Variants in LRBA observed in about 807,000 individuals in gnomAD.
LRBA encodes the protein LPS responsive beige-like anchor protein, also known as lipopolysaccharide-responsive and beige-like anchor protein.
A neutral mutation model predicts 330.0 loss-of-function variants in LRBA; 176 were observed. That is an observed-to-expected ratio of 0.53 (90% CI 0.47 to 0.60). The LOEUF (loss-of-function observed/expected upper bound fraction) is 0.60. Among genes scored for constraint, LRBA ranks in the 20% least tolerant of loss-of-function variants. LRBA has a pLI of 0.00. For synonymous variants in LRBA, 1,230 were observed against 1,193.0 expected, an observed-to-expected ratio of 1.03 and a Z score of -0.64; for missense variants, 3,259 against 3,444.8, an observed-to-expected ratio of 0.95 and a Z score of 1.35.
intron 36 of LRBA, among the ~76,000 whole-genome samples, chr4:150,718,348 T>C (rs17504952): frequency 0.019 from 2,960 of 152,278 alleles, 41 homozygotes; most frequent in Middle Eastern, 0.068. Context: ...GATGACAACA[T>C]CTTTTTTTGC....
At chr4:150,776,954 T>C (rs1737425021) in intron 34 of LRBA, among the ~76,000 whole-genome samples, 1 of 152,274 alleles carries the variant, frequency 6.6e-6, no homozygotes, top group Middle Eastern at 3.4e-3. Context: ...CTCTAAAAAA[T>C]AGAACATGCA....
chr4:150,411,859 T>C (rs987598401), intron 47 of LRBA, among the ~76,000 whole-genome samples: 1 of 152,146 alleles, frequency 6.6e-6, no homozygotes, highest in African/African-American at 2.4e-5. Context: ...AATCATTGCA[T>C]AAAATCTGTG....
intron 38 of LRBA, among the ~76,000 whole-genome samples, chr4:150,591,204 A>G (rs1772786996): frequency 6.6e-6 from 1 of 152,218 alleles, no homozygotes; most frequent in African/African-American, 2.4e-5. Context: ...CCAGTTTTGG[A>G]AACAATATTT....
chr4:150,797,392 C>G (rs1740945539), intron 34 of LRBA, among the ~76,000 whole-genome samples: 1 of 151,346 alleles, frequency 6.6e-6, no homozygotes, highest in South Asian at 2.1e-4. Context: ...TTACTACCAC[C>G]AAGATATCAC....
chr4:150,388,919 G>A (rs1009715371), intron 47 of LRBA, among the ~76,000 whole-genome samples: 4 of 152,102 alleles, frequency 2.6e-5, no homozygotes, highest in Middle Eastern at 3.2e-3. Flanking sequence ...TGGCTAGTGG[G>A]TACAATAATG....
intron 51 of LRBA, among the ~76,000 whole-genome samples, chr4:150,311,999 A>T (rs936352796): frequency 4.6e-5 from 7 of 152,114 alleles, no homozygotes; most frequent in South Asian, 2.1e-4. Flanking sequence ...TCCACATGAG[A>T]GCTGTAAACA....
chr4:150,481,308 A>G (rs1327989775), intron 42 of LRBA, among the ~76,000 whole-genome samples: 1 of 152,090 alleles, frequency 6.6e-6, no homozygotes, highest in Admixed American at 6.6e-5. Context: ...TGGTGGGTGC[A>G]GATGTCTCTT....
intron 2 of LRBA, among the ~76,000 whole-genome samples, chr4:150,974,531 T>C (rs1340766426): frequency 6.6e-6 from 1 of 152,158 alleles, no homozygotes; most frequent in Non-Finnish European, 1.5e-5. Context: ...TGGACTAAGC[T>C]TTAGTTGTAC....
At chr4:150,352,479 AT>A (rs1737310061) in intron 47 of LRBA, among the ~76,000 whole-genome samples, 1 of 152,226 alleles carries the variant, frequency 6.6e-6, no homozygotes, top group African/African-American at 2.4e-5. Flanking sequence ...TAAATGAAAT[AT>A]GCCTTAAAAA....
At chr4:150,537,347 AG>A (rs1307589858) in intron 40 of LRBA, among the ~76,000 whole-genome samples, 1 of 152,240 alleles carries the variant, frequency 6.6e-6, no homozygotes, top group African/African-American at 2.4e-5. Flanking sequence ...AAAGATTTCA[AG>A]GTAAGACCTC....
intron 40 of LRBA, among the ~76,000 whole-genome samples, chr4:150,563,743 G>C (rs1028999124): frequency 1.3e-5 from 2 of 152,070 alleles, no homozygotes; most frequent in Non-Finnish European, 1.5e-5. Context: ...ACCAATAACA[G>C]ACAAACAGAG....
At chr4:150,506,708 G>C (rs1718719457) in intron 40 of LRBA, among the ~76,000 whole-genome samples, 1 of 152,194 alleles carries the variant, frequency 6.6e-6, no homozygotes, top group African/African-American at 2.4e-5. Context: ...ATTCAACATA[G>C]TGTTGGAAGT....
At position 150,445,428 on chromosome 4, in the gene LRBA, CAT is replaced by C. The variant is rs574426955; in HGVS notation, c.6781-8566_6781-8565del. ...ATATATATACATATATACACACACA[CAT>C]ATATATATGTTGTTTTGCTCAACGC... On this transcript the variant is annotated intron_variant, in intron 44 of 56. Transcript: ENST00000651943. Among the ~76,000 whole-genome samples, 3 of 136,990 alleles carry C rather than the reference CAT, an allele frequency of 2.2e-5. No individual in the cohort carries two copies. In the South Asian group the frequency reaches 7.3e-4, roughly 33 times the overall value. The allele number at this position is 136,990 out of a possible 152,430, so 89.9% of individuals were successfully genotyped here. A position where few individuals can be genotyped will look rare whatever the true frequency, so the allele number is the denominator to read the frequency against.
At chr4:150,721,355 G>A in intron 36 of LRBA, 1 of 289,918 alleles carries the variant, frequency 3.4e-6, no homozygotes, top group Non-Finnish European at 6.6e-6. Flanking sequence ...AATCAATTGG[G>A]TGGAGAGAAG....
chr4:150,881,330 C>T (rs947420366), intron 17 of LRBA, among the ~76,000 whole-genome samples: 1 of 152,188 alleles, frequency 6.6e-6, no homozygotes, highest in African/African-American at 2.4e-5. Context: ...GAATACTACA[C>T]AGCCATAAAA....
At chr4:150,689,564 T>A (rs1382061963) in intron 36 of LRBA, among the ~76,000 whole-genome samples, 4 of 152,080 alleles carry the variant, frequency 2.6e-5, no homozygotes, top group Non-Finnish European at 5.9e-5. Context: ...TGAACTCAAC[T>A]ACTTTACCAT....
rs112842947 is a variant in LRBA, at chr4:150,730,678, G to GA, written c.5754+4579dup. ...AGCCTGCGTGACAGAGTGAGGCTCT[G>GA]AAAAAAAAAAAAAAAAAGAAAGAAA... On this transcript the variant is annotated intron_variant, in intron 36 of 56. Transcript: ENST00000651943. Among the ~76,000 whole-genome samples, 663 of 89,672 alleles carry GA rather than the reference G, an allele frequency of 7.4e-3. 3 individuals carry two copies. Among genetic ancestry groups the GA allele is most frequent in the African/African-American group, 0.016 (401 of 25,718 alleles). The allele number at this position is 89,672 out of a possible 152,430, so 58.8% of individuals were successfully genotyped here. A position where few individuals can be genotyped will look rare whatever the true frequency, so the allele number is the denominator to read the frequency against.
rs148704302 is a variant in LRBA at position 150,267,202 on chromosome 4, G to A, written c.8469-1390C>T. Among the ~76,000 whole-genome samples, 49 of 152,298 alleles carry A rather than the reference G, an allele frequency of 3.2e-4. 1 individual carries two copies. The highest frequency in any genetic ancestry group is 2.3e-3 in the Admixed American group (35 of 15,296). On this transcript the variant is annotated intron_variant, in intron 56 of 56. Transcript: ENST00000651943. ...GATAAGCCAACTGGACCTGACACAC[G>A]TATATAGAACACCTTCCCAACAACA...
chr4:151,013,447 G>A (rs61523592), intron 2 of LRBA: 27,796 of 152,134 alleles, frequency 0.18, 3,302 homozygotes, highest in Non-Finnish European at 0.26. Flanking sequence ...GGGGAGAATC[G>A]CCTGAACCCA....
Sources: allele counts gnomAD v4.1 joint callset (sites outside exome capture counted in the v4.1 genomes callset), GRCh38; gene constraint gnomAD v4.1.1; transcripts MANE v1.5; gene names NCBI Gene and HGNC (gene_info 2026-07-23, HGNC 2026-07-21).